The following SLC39A14 variants were observed in gnomAD, a reference collection of about 807,000 sequenced individuals.
The protein encoded by SLC39A14 is solute carrier family 39 member 14, also known as metal cation symporter ZIP14.
SLC39A14 carries 19 observed loss-of-function variants against 45.5 expected under a neutral mutation model. The observed-to-expected ratio is 0.42, with a 90% confidence interval of 0.29 to 0.61. The LOEUF (loss-of-function observed/expected upper bound fraction) is 0.61, where lower values mean the gene tolerates loss of function less well. SLC39A14 is among the 20% of genes least tolerant of loss of function. The pLI, the probability that SLC39A14 is intolerant of heterozygous loss-of-function variation, is 0.22. For synonymous variants in SLC39A14, 264 were observed against 251.3 expected (o/e 1.05, Z -0.48); for missense variants, 447 against 616.5 (o/e 0.73, Z 2.91).
At chr8:22,389,467 G>A (rs939259968) in intron 1 of SLC39A14, among the ~76,000 whole-genome samples, 2 of 152,158 alleles carry the variant, frequency 1.3e-5, no homozygotes, top group Admixed American at 1.3e-4. Context: ...CGGGGGAGGT[G>A]GGGTAGGCTG....
intron 1 of SLC39A14, among the ~76,000 whole-genome samples, chr8:22,382,790 C>CCATA (rs1285342271): frequency 6.6e-6 from 1 of 152,160 alleles, no homozygotes; most frequent in African/African-American, 2.4e-5. Flanking sequence ...TCTCACCTCA[C>CCATA]CATAGCCTCC....
intron 1 of SLC39A14, among the ~76,000 whole-genome samples, chr8:22,394,102 G>A (rs1834236634): frequency 6.6e-6 from 1 of 151,652 alleles, no homozygotes; most frequent in Non-Finnish European, 1.5e-5. Flanking sequence ...TGCCTCCGGG[G>A]TTCAAGTGAT....
chr8:22,426,018 A>G (rs745950724), downstream of SLC39A14, among the ~76,000 whole-genome samples: 3 of 151,244 alleles, frequency 2.0e-5, no homozygotes, highest in Non-Finnish European at 4.4e-5. Flanking sequence ...CAGCCTTACC[A>G]AGTAGCTGGG....
Position 22,421,067 on chromosome 8 carries a change from G to A in SLC39A14, c.*1369G>A. 8.1e-6 allele frequency: 8 copies of A among 985,826 alleles called. No individual in the cohort carries two copies. The highest frequency in any genetic ancestry group is 9.6e-6 in the Non-Finnish European group (8 of 829,916). 61.1% of individuals were successfully genotyped at this position (985,826 alleles called of 1,614,324 possible). On this transcript the variant is annotated 3_prime_UTR_variant, in exon 9 of 9. Transcript: ENST00000381237. The stretch of plus-strand genomic sequence containing the variant: ...GAGCTCTTCTCCAGGTTCACTAGGT[G>A]AATTGATTTATTATTATCATATTGA...
At chr8:22,408,220 T>C in intron 2 of SLC39A14, 90 bp from the exon 3 acceptor site, 1 of 1,171,886 alleles carries the variant, frequency 8.5e-7, no homozygotes, top group Non-Finnish European at 1.2e-6. Context: ...CTTCTCTTTT[T>C]CCTCTGGGAA....
Position 22,421,140 on chromosome 8 carries a change from C to G in SLC39A14, c.*1442C>G, listed in dbSNP as rs903357395. 37 of 985,690 alleles carry G rather than the reference C, an allele frequency of 3.8e-5. No individual in the cohort carries two copies. The highest frequency in any genetic ancestry group is 5.2e-4 in the Middle Eastern group (1 of 1,936). The allele number at this position is 985,690 out of a possible 1,614,324, so 61.1% of individuals were successfully genotyped here. A position where few individuals can be genotyped will look rare whatever the true frequency, so the allele number is the denominator to read the frequency against. ...TTTGGGGAGCCTGTCTCTCCAGAAG[C>G]CTTTCTTAGTGGTGCCCACAGTTGG... On this transcript the variant is annotated 3_prime_UTR_variant, in exon 9 of 9. Transcript: ENST00000381237.
At chr8:22,373,288 AATAACT>A (rs1833033632) in intron 1 of SLC39A14, among the ~76,000 whole-genome samples, 1 of 152,138 alleles carries the variant, frequency 6.6e-6, no homozygotes. Flanking sequence ...TTTCATGAAA[AATAACT>A]ATATTTTCCA....
intron 1 of SLC39A14, among the ~76,000 whole-genome samples, chr8:22,371,814 G>A (rs1486104003): frequency 1.3e-5 from 2 of 149,136 alleles, no homozygotes; most frequent in Admixed American, 6.8e-5. Context: ...GCACGATCTC[G>A]GCTCACTGCA....
chr8:22,380,081 A>G (rs1037302885), intron 1 of SLC39A14, among the ~76,000 whole-genome samples: 7 of 152,236 alleles, frequency 4.6e-5, no homozygotes, highest in South Asian at 2.1e-4. Flanking sequence ...TTTAAAGTCT[A>G]TAGGGAGGAA....
At chr8:22,430,233 CTAATT>C (rs1356288012) in intron 8 of SLC39A14, among the ~76,000 whole-genome samples, 1 of 152,044 alleles carries the variant, frequency 6.6e-6, no homozygotes, top group Non-Finnish European at 1.5e-5. Flanking sequence ...ACCAGCCTGG[CTAATT>C]TAATTTTTTT....
At chr8:22,375,742 C>T (rs532047908) in intron 1 of SLC39A14, among the ~76,000 whole-genome samples, 1 of 152,332 alleles carries the variant, frequency 6.6e-6, no homozygotes, top group African/African-American at 2.4e-5. Flanking sequence ...CCCGCCTTGG[C>T]TTACCAAAGT....
intron 1 of SLC39A14, among the ~76,000 whole-genome samples, chr8:22,397,161 G>C: frequency 6.6e-6 from 1 of 152,156 alleles, no homozygotes; most frequent in South Asian, 2.1e-4. Flanking sequence ...TGTTGCTTGT[G>C]GTCCTACCGA....
intron 1 of SLC39A14, among the ~76,000 whole-genome samples, chr8:22,384,102 T>C (rs1277510975): frequency 6.6e-6 from 1 of 152,064 alleles, no homozygotes; most frequent in African/African-American, 2.4e-5. Context: ...GGTGAACTGG[T>C]GTGTGCAGTG....
chr8:22,412,072 T>C lies in SLC39A14; in HGVS notation c.493T>C (p.Ser165Pro), dbSNP rs1405130629. ...GYGLLCVTVI[S>P]LCSLLGASVV... ...CGGTCTCCTCTGTGTGACCGTCATC[T>C]CCCTCTGCTCCCTCCTGGGGGCCAG... The change falls in exon 4 of 9, where the codon TCC becomes CCC. Residue 165 changes from serine (S) to proline (P), a missense_variant. Ser to Pro is a moderately conservative substitution (Grantham distance 74, BLOSUM62 -1). Coordinates refer to ENST00000381237, the MANE Select transcript of SLC39A14 (RefSeq NM_001128431.4). 6.4e-7 allele frequency: 1 copy of C among 1,551,618 alleles called. No individual in the cohort carries two copies. The highest frequency in any genetic ancestry group is 1.2e-5 in the South Asian group (1 of 84,062).
At chr8:22,401,971 A>T (rs566240733) in intron 1 of SLC39A14, among the ~76,000 whole-genome samples, 1 of 152,312 alleles carries the variant, frequency 6.6e-6, no homozygotes, top group African/African-American at 2.4e-5. Context: ...GACCCATAAC[A>T]CATCTTTCTG....
At chr8:22,402,155 G>A (rs539625302) in intron 1 of SLC39A14, among the ~76,000 whole-genome samples, 2 of 152,274 alleles carry the variant, frequency 1.3e-5, no homozygotes, top group East Asian at 3.9e-4. Flanking sequence ...GCGGAGGCGT[G>A]TGGGTCACGA....
intron 8 of SLC39A14, among the ~76,000 whole-genome samples, chr8:22,433,666 C>G (rs1836501187): frequency 6.6e-6 from 1 of 151,162 alleles, no homozygotes. Flanking sequence ...CCCAAGCAAT[C>G]CTCCCATCTC....
downstream of SLC39A14, among the ~76,000 whole-genome samples, chr8:22,424,174 A>G (rs559477371): frequency 6.6e-6 from 1 of 152,264 alleles, no homozygotes; most frequent in South Asian, 2.1e-4. Context: ...AGACTTTTCT[A>G]TCACCCTGTT....
In SLC39A14 at chr8:22,421,443, G is replaced by A. The variant is rs1159522318; in HGVS notation, c.*1745G>A. The A allele has an allele frequency of 1.0e-6, 1 of 985,466 alleles. No homozygotes were observed. Among genetic ancestry groups the A allele is most frequent in the East Asian group, 1.1e-4 (1 of 8,822 alleles). 61.0% of individuals were successfully genotyped at this position (985,466 alleles called of 1,614,324 possible). A position where few individuals can be genotyped will look rare whatever the true frequency, so the allele number is the denominator to read the frequency against. ...ATACATTTGAGAATACGCTGAAGAG[G>A]GAAAATTTCAGTGATGGAGATTCTA... On this transcript the variant is annotated 3_prime_UTR_variant, in exon 9 of 9. Transcript: ENST00000381237.
Sources: allele counts gnomAD v4.1 joint callset (sites outside exome capture counted in the v4.1 genomes callset), GRCh38; gene constraint gnomAD v4.1.1; transcripts MANE v1.5; gene names NCBI Gene and HGNC (gene_info 2026-07-23, HGNC 2026-07-21).